RAVER2: variants seen among roughly 807,000 people sequenced by gnomAD.
RAVER2 encodes ribonucleoprotein PTB-binding 2.
RAVER2 carries 46 observed loss-of-function variants against 78.1 expected under a neutral mutation model. That is an observed-to-expected ratio of 0.59 (90% CI 0.46 to 0.75). The LOEUF is 0.75. Ranked by LOEUF, RAVER2 falls within the 30% of genes least tolerant of loss-of-function variation. The probability of loss-of-function intolerance (pLI) is 0.00; values close to 1 mark genes in which losing one functional copy is unlikely to be tolerated. For missense variants in RAVER2, 793 were observed against 837.5 expected (o/e 0.95, Z 0.66); for synonymous variants, 311 against 313.3 (o/e 0.99, Z 0.08).
intron 11 of RAVER2, among the ~76,000 whole-genome samples, chr1:64,822,747 C>G (rs1039487561): frequency 3.3e-5 from 5 of 152,172 alleles, no homozygotes; most frequent in Non-Finnish European, 7.3e-5. Context: ...ATTGGCACAG[C>G]AGCATTATTC....
chr1:64,813,746 C>T (rs1366250559), intron 10 of RAVER2, among the ~76,000 whole-genome samples: 3 of 150,780 alleles, frequency 2.0e-5, no homozygotes, highest in East Asian at 2.0e-4. Context: ...ATATATTGAT[C>T]TGGTCTAAAA....
exon 5 of RAVER2, chr1:64,789,446 G>T (rs61742612): frequency 6.2e-7 from 1 of 1,610,074 alleles, no homozygotes; most frequent in African/African-American, 1.3e-5. Flanking sequence ...ATTATGAAAA[G>T]TTTAAACAAC....
At position 64,791,072 on chromosome 1, in the gene RAVER2, T is replaced by C. The variant is rs1652926052; in HGVS notation, c.1105+1558T>C. On this transcript the variant is annotated intron_variant, in intron 5 of 11. Transcript: ENST00000294428. ...ACTCACAGAACTTAGGAAAGCACTA[T>C]GCTTATGAATACAGTTTTATTATAA... is the stretch of plus-strand genomic sequence containing the variant. Among the ~76,000 whole-genome samples the C allele has an allele frequency of 2.0e-5, 3 of 152,158 alleles. No homozygotes were observed. The South Asian group carries it at 6.2e-4, about 32-fold the overall frequency.
At chr1:64,761,337 A>G (rs1299335878) in intron 1 of RAVER2, among the ~76,000 whole-genome samples, 4 of 152,208 alleles carry the variant, frequency 2.6e-5, no homozygotes, top group East Asian at 1.9e-4. Flanking sequence ...GCCCCCCCCA[A>G]AATTCATTGT....
At chr1:64,752,075 C>G (rs1651715980) in intron 1 of RAVER2, among the ~76,000 whole-genome samples, 1 of 152,112 alleles carries the variant, frequency 6.6e-6, no homozygotes, top group Non-Finnish European at 1.5e-5. Flanking sequence ...CAGGATAGCC[C>G]TTGGTGGTTG....
Position 64,810,120 on chromosome 1 carries a change from T to TA in RAVER2, c.1681-2616dup, listed in dbSNP as rs1251820944. On this transcript the variant is annotated intron_variant, in intron 9 of 11. Transcript: ENST00000294428. ...GAAATGGAATTGCTGGATCATACCA[T>TA]AATGCATGTTTAATTTTTGTTGGAA... 4.6e-5 allele frequency among the ~76,000 whole-genome samples: 7 copies of TA among 152,328 alleles called. No homozygotes were observed. The East Asian group carries it at 1.2e-3, about 25-fold the overall frequency.
intron 5 of RAVER2, among the ~76,000 whole-genome samples, chr1:64,801,873 C>G (rs1278564466): frequency 6.6e-6 from 1 of 151,912 alleles, no homozygotes; most frequent in Non-Finnish European, 1.5e-5. Context: ...GTCTCAAAAA[C>G]AAACAAACAA....
At chr1:64,779,442 C>G (rs1451981105) in intron 3 of RAVER2, among the ~76,000 whole-genome samples, 1 of 151,964 alleles carries the variant, frequency 6.6e-6, no homozygotes. Context: ...AATCATGGCC[C>G]ACAGTAGTCC....
rs186709346 is a variant in RAVER2 at position 64,793,764 on chromosome 1, C to T, written c.1105+4250C>T. Among the ~76,000 whole-genome samples, 15 of 152,320 alleles carry T rather than the reference C, an allele frequency of 9.8e-5. No homozygotes were observed. In the East Asian group the frequency reaches 2.7e-3, roughly 27 times the overall value. Reference sequence around the variant, plus strand: ...AGGAAACCACTGATCTGCTTTCTGTCACTACAGTTTGTATTTTCTAGAAAT... The same window carrying T: ...AGGAAACCACTGATCTGCTTTCTGTTACTACAGTTTGTATTTTCTAGAAAT... On this transcript the variant is annotated intron_variant, in intron 5 of 11. Transcript: ENST00000294428.
At position 64,745,209 on chromosome 1, in the gene RAVER2, G is replaced by GGCGCGGGCCTGGGCA. The variant is rs916422742; in HGVS notation, c.44_58dup (p.Gly15_Ala19dup). 1 of 1,054,188 alleles carries GGCGCGGGCCTGGGCA rather than the reference G, an allele frequency of 9.5e-7. No homozygotes were observed. Among genetic ancestry groups the GGCGCGGGCCTGGGCA allele is most frequent in the African/African-American group, 1.7e-5 (1 of 58,280 alleles). 65.3% of individuals were successfully genotyped at this position (1,054,188 alleles called of 1,614,324 possible). ...GGCGGGAGACGGCGGCGGCGAGGGG[G>GGCGCGGGCCTGGGCA]GCGCGGGCCTGGGCAGCGCGGCGGG... On this transcript the variant is annotated inframe_insertion, in exon 1 of 12. Coordinates refer to ENST00000294428, the Ensembl canonical transcript of RAVER2. The surrounding 1 kb of genome is among the most constrained non-coding windows in gnomAD (Gnocchi z 4.3).
At chr1:64,798,464 G>A (rs962177186) in intron 5 of RAVER2, among the ~76,000 whole-genome samples, 1 of 150,630 alleles carries the variant, frequency 6.6e-6, no homozygotes, top group Non-Finnish European at 1.5e-5. Flanking sequence ...GGGTCAAATG[G>A]TATTTCTAGT....
intron 10 of RAVER2, 72 bp from the exon 11 acceptor site, chr1:64,814,632 A>T (rs984509333): frequency 7.3e-6 from 6 of 822,666 alleles, no homozygotes; most frequent in African/African-American, 5.4e-5. Flanking sequence ...TAATTTATTT[A>T]AAATAACCTA....
exon 12 of RAVER2, chr1:64,831,315 A>T (rs1365688534): frequency 1.7e-5 from 3 of 174,652 alleles, no homozygotes; most frequent in Non-Finnish European, 3.6e-5. Context: ...TGAAGCAATA[A>T]ATGGGAAACA....
chr1:64,824,932 C>CAA lies in RAVER2; in HGVS notation c.1930-5881_1930-5880dup, dbSNP rs56179197. Among the ~76,000 whole-genome samples, 185 of 79,382 alleles carry CAA rather than the reference C, an allele frequency of 2.3e-3. 6 individuals are homozygous for CAA. The highest frequency in any genetic ancestry group is 9.7e-3 in the African/African-American group (125 of 12,874). 52.1% of individuals were successfully genotyped at this position (79,382 alleles called of 152,430 possible). A position where few individuals can be genotyped will look rare whatever the true frequency, so the allele number is the denominator to read the frequency against. ...GGCAACAGAGCGAGACCCTGTCTCC[C>CAA]AAAAAAAAAAAAAAAAAAAAAAAAA... On this transcript the variant is annotated intron_variant, in intron 11 of 11. Transcript: ENST00000294428.
At chr1:64,805,144 C>T (rs1417183437) in intron 8 of RAVER2, 39 bp downstream of exon 8, 6 of 1,543,536 alleles carry the variant, frequency 3.9e-6, no homozygotes, top group Non-Finnish European at 4.5e-6. Context: ...AGTAAACAGT[C>T]AGGTTTGAGA....
intron 5 of RAVER2, among the ~76,000 whole-genome samples, chr1:64,795,038 T>A (rs541000368): frequency 6.6e-6 from 1 of 152,254 alleles, no homozygotes; most frequent in East Asian, 1.9e-4. Flanking sequence ...CATATAGTTA[T>A]ACAATTATTC....
At chr1:64,820,470 CAT>C (rs1170758932) in intron 11 of RAVER2, among the ~76,000 whole-genome samples, 2 of 152,074 alleles carry the variant, frequency 1.3e-5, no homozygotes, top group Non-Finnish European at 2.9e-5. Context: ...TAAGTAAACA[CAT>C]GTCACAGGGT....
chr1:64,777,953 A>G, exon 3 of RAVER2: 1 of 1,614,070 alleles, frequency 6.2e-7, no homozygotes, highest in Non-Finnish European at 8.5e-7. Flanking sequence ...CTCTTTGCAC[A>G]ATGGATGGAT....
intron 1 of RAVER2, among the ~76,000 whole-genome samples, chr1:64,750,882 ATG>A (rs1006979908): frequency 3.3e-5 from 5 of 152,182 alleles, no homozygotes; most frequent in Non-Finnish European, 7.4e-5. Flanking sequence ...CTTCTTTTTC[ATG>A]TGTTTTGTTA....
Sources: allele counts gnomAD v4.1 joint callset (sites outside exome capture counted in the v4.1 genomes callset), GRCh38; gene constraint gnomAD v4.1.1; non-coding constraint Gnocchi (gnomAD v3.1); transcripts MANE v1.5; gene names NCBI Gene and HGNC (gene_info 2026-07-23, HGNC 2026-07-21).